PAPSS1: variants seen among roughly 807,000 people sequenced by gnomAD.
The protein encoded by PAPSS1 is bifunctional 3'-phosphoadenosine 5'-phosphosulfate synthase 1.
A neutral mutation model predicts 72.0 loss-of-function variants in PAPSS1; 50 were observed. That is an observed-to-expected ratio of 0.69 (90% CI 0.55 to 0.88). The LOEUF is 0.88. Ranked by LOEUF, PAPSS1 falls within the 40% of genes least tolerant of loss-of-function variation. PAPSS1 has a pLI of 0.00. For missense variants in PAPSS1, 657 were observed against 782.2 expected, an observed-to-expected ratio of 0.84 and a Z score of 1.91; for synonymous variants, 261 against 263.6, an observed-to-expected ratio of 0.99 and a Z score of 0.09.
intron 6 of PAPSS1, among the ~76,000 whole-genome samples, chr4:107,658,735 T>C (rs1369208353): frequency 6.6e-6 from 1 of 152,128 alleles, no homozygotes; most frequent in Non-Finnish European, 1.5e-5. Flanking sequence ...CCAAAACCTT[T>C]GATGGTGGCT....
chr4:107,685,409 T>C (rs1210539835), intron 4 of PAPSS1, among the ~76,000 whole-genome samples: 1 of 152,148 alleles, frequency 6.6e-6, no homozygotes, highest in Non-Finnish European at 1.5e-5. Flanking sequence ...TCAACTAAAA[T>C]TAAAGTAAGT....
At chr4:107,644,046 C>A (rs1441353412) in intron 10 of PAPSS1, among the ~76,000 whole-genome samples, 1 of 152,068 alleles carries the variant, frequency 6.6e-6, no homozygotes, top group African/African-American at 2.4e-5. Context: ...TGGTGGCAAC[C>A]CAGAACCCAA....
intron 1 of PAPSS1, among the ~76,000 whole-genome samples, chr4:107,705,801 C>A (rs537427043): frequency 5.3e-5 from 8 of 152,218 alleles, no homozygotes; most frequent in Non-Finnish European, 1.0e-4. Context: ...TAATTAGCAT[C>A]CTTTTATTTC....
At chr4:107,627,370 A>G (rs539218185) in intron 11 of PAPSS1, among the ~76,000 whole-genome samples, 7 of 152,342 alleles carry the variant, frequency 4.6e-5, no homozygotes, top group African/African-American at 1.7e-4. Flanking sequence ...CCTAACGCTC[A>G]GAACAAGATT....
At chr4:107,676,659 T>C (rs112237147) in intron 5 of PAPSS1, among the ~76,000 whole-genome samples, 36,801 of 152,084 alleles carry the variant, frequency 0.24, 5,064 homozygotes, top group Middle Eastern at 0.34. Flanking sequence ...ACCAAGAACT[T>C]TCTTCATAGA....
At chr4:107,662,300 C>T (rs555116490) in intron 5 of PAPSS1, among the ~76,000 whole-genome samples, 97 of 152,324 alleles carry the variant, frequency 6.4e-4, no homozygotes, top group Middle Eastern at 6.8e-3. Context: ...CAGCATTAGA[C>T]ACTTTGTATA....
intron 3 of PAPSS1, among the ~76,000 whole-genome samples, chr4:107,690,066 C>G (rs1276938095): frequency 6.6e-6 from 1 of 152,194 alleles, no homozygotes; most frequent in Non-Finnish European, 1.5e-5. Context: ...CCTGAAGGAG[C>G]TGGTGCTACG....
At chr4:107,662,688 A>G (rs934141631) in intron 5 of PAPSS1, among the ~76,000 whole-genome samples, 1 of 152,140 alleles carries the variant, frequency 6.6e-6, no homozygotes, top group African/African-American at 2.4e-5. Context: ...TGTATTTTAA[A>G]TTATAAAATA....
chr4:107,666,538 C>A (rs1362810993), intron 5 of PAPSS1, among the ~76,000 whole-genome samples: 2 of 152,022 alleles, frequency 1.3e-5, no homozygotes, highest in East Asian at 3.9e-4. Context: ...AGAAGGCAAC[C>A]CAGAAAATGA....
At chr4:107,639,912 C>T (rs922281188) in intron 10 of PAPSS1, among the ~76,000 whole-genome samples, 32 of 152,216 alleles carry the variant, frequency 2.1e-4, no homozygotes, top group African/African-American at 7.7e-4. Flanking sequence ...CACTCGCTTA[C>T]ACAGAATCAG....
At chr4:107,712,935 A>T (rs1723533166) in intron 1 of PAPSS1, among the ~76,000 whole-genome samples, 4 of 151,422 alleles carry the variant, frequency 2.6e-5, no homozygotes, top group Admixed American at 2.6e-4. Context: ...CTTCAACCAT[A>T]TAATGAATGA....
intron 2 of PAPSS1, among the ~76,000 whole-genome samples, chr4:107,697,593 CAAAT>C (rs1723101611): frequency 6.6e-6 from 1 of 152,028 alleles, no homozygotes; most frequent in Non-Finnish European, 1.5e-5. Flanking sequence ...TAATTTGAAA[CAAAT>C]AAGCACTGTT....
At chr4:107,696,360 T>C (rs530761453) in intron 2 of PAPSS1, among the ~76,000 whole-genome samples, 1 of 152,262 alleles carries the variant, frequency 6.6e-6, no homozygotes, top group South Asian at 2.1e-4. Context: ...AAAGAAAATG[T>C]GGTACATATA....
Position 107,677,732 on chromosome 4 carries a change from T to C in PAPSS1, c.669+4283A>G, listed in dbSNP as rs569021548. Reference sequence around the variant, plus strand: ...AATCATGCTGCTATAAAGACACATGTACACGTATGTTTATTGTGGCACTAT... The same window carrying C: ...AATCATGCTGCTATAAAGACACATGCACACGTATGTTTATTGTGGCACTAT... On this transcript the variant is annotated intron_variant, in intron 5 of 11. Transcript: ENST00000265174. Among the ~76,000 whole-genome samples, 32 of 152,302 alleles carry C rather than the reference T, an allele frequency of 2.1e-4. 1 individual carries two copies. In the South Asian group the frequency reaches 5.0e-3, roughly 24 times the overall value.
At chr4:107,702,087 CA>C (rs879544438) in intron 1 of PAPSS1, among the ~76,000 whole-genome samples, 2 of 151,626 alleles carry the variant, frequency 1.3e-5, no homozygotes, top group Non-Finnish European at 2.9e-5. Context: ...AAATAATATT[CA>C]ACATCATTAG....
intron 5 of PAPSS1, among the ~76,000 whole-genome samples, chr4:107,661,948 C>A (rs940473764): frequency 2.6e-5 from 4 of 152,124 alleles, no homozygotes; most frequent in Admixed American, 6.5e-5. Context: ...TCTCACACAC[C>A]CTGTTTCCTC....
chr4:107,715,151 G>A (rs773775835), intron 1 of PAPSS1, among the ~76,000 whole-genome samples: 7 of 152,114 alleles, frequency 4.6e-5, no homozygotes, highest in Admixed American at 3.3e-4. Flanking sequence ...AACCACATAC[G>A]CAGCTCTTGA....
intron 1 of PAPSS1, among the ~76,000 whole-genome samples, chr4:107,717,656 T>G (rs1256328866): frequency 6.6e-6 from 1 of 152,190 alleles, no homozygotes; most frequent in Non-Finnish European, 1.5e-5. Context: ...AATGGGCTAA[T>G]ATAGGTAAAA....
At chr4:107,664,798 T>C (rs1353698000) in intron 5 of PAPSS1, among the ~76,000 whole-genome samples, 3 of 152,244 alleles carry the variant, frequency 2.0e-5, no homozygotes, top group East Asian at 3.9e-4. Flanking sequence ...AAGTTATTCA[T>C]AATTGAGCAT....
Sources: gnomAD v4.1 joint callset for allele counts (sites outside exome capture counted in the v4.1 genomes callset) on GRCh38, gnomAD v4.1.1 for gene constraint, MANE v1.5 for transcripts, NCBI Gene and HGNC (gene_info 2026-07-23, HGNC 2026-07-21) for gene names.